Variants in MNS1 observed in about 807,000 individuals in gnomAD.
MNS1 encodes meiosis-specific nuclear structural protein 1.
MNS1 carries 63 observed loss-of-function variants against 72.0 expected under a neutral mutation model. The observed-to-expected ratio is 0.87, with a 90% CI of 0.71 to 1.08. The LOEUF is 1.08. Among genes scored for constraint, MNS1 ranks in the 50% least tolerant of loss-of-function variants. The probability of loss-of-function intolerance (pLI) is 0.00; values close to 1 mark genes in which losing one functional copy is unlikely to be tolerated. For missense variants in MNS1, 604 were observed against 562.4 expected, an observed-to-expected ratio of 1.07 and a Z score of -0.75; for synonymous variants, 188 against 172.1, an observed-to-expected ratio of 1.09 and a Z score of -0.72.
At chr15:56,429,359 CTTTA>C in intron 9 of MNS1, 166 bp from the exon 10 acceptor site, 1 of 552,864 alleles carries the variant, frequency 1.8e-6, no homozygotes, top group South Asian at 2.4e-5. Flanking sequence ...AAAAATAAGA[CTTTA>C]CATATATATT....
intron 7 of MNS1, among the ~76,000 whole-genome samples, chr15:56,436,476 T>C (rs933813678): frequency 6.6e-6 from 1 of 152,210 alleles, no homozygotes; most frequent in Non-Finnish European, 1.5e-5. Context: ...GGGAAATTTA[T>C]AGCACTAAAT....
rs2051048768 is a variant in MNS1 at position 56,464,920 on chromosome 15, G to C, written c.3+50C>G. The C allele has an allele frequency of 2.5e-6, 4 of 1,608,058 alleles. No homozygotes were observed. The East Asian group carries it at 9.0e-5, about 36-fold the overall frequency. On this transcript the variant is annotated intron_variant, in intron 1 of 9. Transcript: ENST00000260453. ...TTAGAAGCAGATGAGCGCCAAACTA[G>C]AATTAAATCAACAATAAACAAGTAG...
intron 2 of MNS1, chr15:56,463,823 G>A: frequency 1.9e-6 from 1 of 525,308 alleles, no homozygotes; most frequent in South Asian, 3.0e-5. Context: ...AGGGTCCGTA[G>A]CTAAGGTATA....
intron 8 of MNS1, among the ~76,000 whole-genome samples, chr15:56,433,452 G>T (rs916798456): frequency 3.9e-5 from 6 of 152,050 alleles, no homozygotes; most frequent in African/African-American, 1.4e-4. Flanking sequence ...AAGATGGAAT[G>T]ACAGTATTAT....
intron 2 of MNS1, among the ~76,000 whole-genome samples, chr15:56,457,483 T>C (rs1182766417): frequency 6.6e-6 from 1 of 152,192 alleles, no homozygotes; most frequent in Non-Finnish European, 1.5e-5. Context: ...TGTGGGAATG[T>C]AAAATGGTAC....
intron 7 of MNS1, among the ~76,000 whole-genome samples, chr15:56,438,738 C>T (rs1217960225): frequency 6.6e-6 from 1 of 152,168 alleles, no homozygotes; most frequent in African/African-American, 2.4e-5. Flanking sequence ...TTTTTGCAAT[C>T]TACCCATCTG....
chr15:56,445,571 G>A (rs1208837138), intron 4 of MNS1: 4 of 151,826 alleles, frequency 2.6e-5, no homozygotes, highest in East Asian at 1.9e-4. Flanking sequence ...TATCTTCTTT[G>A]TACATGCTAT....
At chr15:56,456,605 C>G in intron 2 of MNS1, 84 bp from the exon 3 acceptor site, 4 of 1,419,702 alleles carry the variant, frequency 2.8e-6, no homozygotes, top group Non-Finnish European at 3.9e-6. Flanking sequence ...TAACAGAAAA[C>G]TAAATGCCTT....
At chr15:56,446,023 A>G (rs2050899263) in intron 4 of MNS1, 1 of 152,016 alleles carries the variant, frequency 6.6e-6, no homozygotes, top group Non-Finnish European at 1.5e-5. Context: ...GACATTTTCT[A>G]TACTAACACA....
At chr15:56,438,675 A>C (rs2050769223) in intron 7 of MNS1, among the ~76,000 whole-genome samples, 1 of 152,250 alleles carries the variant, frequency 6.6e-6, no homozygotes, top group Non-Finnish European at 1.5e-5. Flanking sequence ...GCTTCCGCAC[A>C]GCAAAAGAAA....
chr15:56,440,367 G>A (rs1240798241), intron 7 of MNS1, among the ~76,000 whole-genome samples: 1 of 152,156 alleles, frequency 6.6e-6, no homozygotes, highest in Non-Finnish European at 1.5e-5. Flanking sequence ...ATTTCTGATG[G>A]GAATGTTAAA....
intron 4 of MNS1, 119 bp from the exon 5 acceptor site, chr15:56,444,792 C>A (rs1430560120): frequency 3.2e-6 from 3 of 929,466 alleles, no homozygotes; most frequent in Non-Finnish European, 4.8e-6. Flanking sequence ...ATTTTTTCAT[C>A]TGTCTAGGTT....
chr15:56,450,905 C>G (rs2050942883), intron 3 of MNS1, among the ~76,000 whole-genome samples: 1 of 152,062 alleles, frequency 6.6e-6, no homozygotes, highest in South Asian at 2.1e-4. Flanking sequence ...TATTATTTTC[C>G]ACTACTTTTA....
chr15:56,445,669 A>G (rs1164771124), intron 4 of MNS1: 1 of 152,170 alleles, frequency 6.6e-6, no homozygotes, highest in Non-Finnish European at 1.5e-5. Flanking sequence ...CTCATTTTAC[A>G]GATAAGAAAA....
chr15:56,438,227 T>C (rs1344654875), intron 7 of MNS1, among the ~76,000 whole-genome samples: 4 of 152,146 alleles, frequency 2.6e-5, no homozygotes, highest in African/African-American at 4.8e-5. Flanking sequence ...ACTACAAGGC[T>C]ACAGTAACCA....
chr15:56,444,353 C>T, intron 5 of MNS1, 91 bp downstream of exon 5: 1 of 1,045,630 alleles, frequency 9.6e-7, no homozygotes, highest in Non-Finnish European at 1.4e-6. Flanking sequence ...ATGTATTAGG[C>T]ACTGTTCTAG....
chr15:56,457,858 A>G (rs117346851), intron 2 of MNS1, among the ~76,000 whole-genome samples: 2 of 151,980 alleles, frequency 1.3e-5, no homozygotes, highest in East Asian at 3.9e-4. Context: ...CAACTCAACA[A>G]TTTTACCTCT....
At chr15:56,429,371 A>T (rs1450808286) in intron 9 of MNS1, 178 bp from the exon 10 acceptor site, 1 of 530,210 alleles carries the variant, frequency 1.9e-6, no homozygotes, top group African/African-American at 2.0e-5. Context: ...TTACATATAT[A>T]TTGAATATTC....
rs750563476 is a variant in MNS1, at chr15:56,429,123, C to G, written c.1466G>C (p.Ser489Thr). 6.3e-7 allele frequency: 1 copy of G among 1,597,326 alleles called. No individual in the cohort carries two copies. Among genetic ancestry groups the G allele is most frequent in the Non-Finnish European group, 8.5e-7 (1 of 1,172,590 alleles). The change falls in exon 10 of 10, where the codon AGT (serine) becomes ACT (threonine). Residue 489 changes from serine (S) to threonine (T), a missense_variant. By Grantham distance (58) the Ser-to-Thr change is moderately conservative (BLOSUM62 1). Transcript: ENST00000260453. ...EEFRKVYQQRSEICEEK is the reference protein window; with the variant it reads ...EEFRKVYQQRTEICEEK Reference sequence around the variant, plus strand: ...ATATCATTTCTCTTCACAAATTTCACTCCTTTGTTGATATACTTTCCTGAA... The same window carrying G: ...ATATCATTTCTCTTCACAAATTTCAGTCCTTTGTTGATATACTTTCCTGAA...
Sources: gnomAD v4.1 joint callset for allele counts (sites outside exome capture counted in the v4.1 genomes callset) on GRCh38, gnomAD v4.1.1 for gene constraint, MANE v1.5 for transcripts, NCBI Gene and HGNC (gene_info 2026-07-23, HGNC 2026-07-21) for gene names.